Variants in TLN2 observed in about 807,000 individuals in gnomAD.
TLN2 encodes the protein talin 2.
In TLN2, 118 loss-of-function variants were observed where a neutral mutation model predicts 294.7. The ratio of observed to expected loss-of-function variants is 0.40; its 90% CI spans 0.34 to 0.47. The LOEUF is 0.47. Ranked by LOEUF, TLN2 falls within the 20% of genes least tolerant of loss-of-function variation. TLN2 has a pLI of 0.84. For missense variants in TLN2, 3,083 were observed against 3,282.2 expected (o/e 0.94, Z 1.48); for synonymous variants, 1,431 against 1,304.5 (o/e 1.10, Z -2.09).
At chr15:62,730,538 A>G (rs2060667934) in intron 28 of TLN2, among the ~76,000 whole-genome samples, 1 of 152,066 alleles carries the variant, frequency 6.6e-6, no homozygotes, top group South Asian at 2.1e-4. Context: ...CTTAGTATTA[A>G]TCTACTGGTG....
intron 39 of TLN2, chr15:62,763,362 T>A (rs1047288178): frequency 2.3e-5 from 12 of 524,502 alleles, no homozygotes; most frequent in Non-Finnish European, 3.8e-5. Flanking sequence ...CAGAAATAAG[T>A]AGAGTTATCT....
intron 1 of TLN2, among the ~76,000 whole-genome samples, chr15:62,503,740 A>G (rs973024805): frequency 6.6e-6 from 1 of 152,078 alleles, no homozygotes; most frequent in Non-Finnish European, 1.5e-5. Context: ...GTGAATTTTC[A>G]TCATCTTTAT....
chr15:62,683,594 C>A (rs2057040393), intron 11 of TLN2, among the ~76,000 whole-genome samples: 1 of 151,868 alleles, frequency 6.6e-6, no homozygotes. Context: ...CCTGCATTCT[C>A]CTGCCTCTGA....
intron 1 of TLN2, among the ~76,000 whole-genome samples, chr15:62,437,347 C>T (rs144066598): frequency 1.3e-5 from 2 of 152,096 alleles, no homozygotes; most frequent in Non-Finnish European, 2.9e-5. Context: ...TTGGTGGTGG[C>T]TGCTGAGAGA....
At position 62,675,217 on chromosome 15, in the gene TLN2, G is replaced by A. The variant is rs1357357243; in HGVS notation, c.853G>A (p.Glu285Lys). 7 of 1,614,116 alleles carry A rather than the reference G, an allele frequency of 4.3e-6. No individual in the cohort carries two copies. Among genetic ancestry groups the A allele is most frequent in the Non-Finnish European group, 2.5e-6 (3 of 1,179,974 alleles). Reference sequence around the variant, plus strand: ...GTCCCGACCACTGTCACTTTTGCAGGAGCATAAGAACTGCGGAGAGATGAG... The same window carrying A: ...GTCCCGACCACTGTCACTTTTGCAGAAGCATAAGAACTGCGGAGAGATGAG... ...QRGAEKRIFQ[E>K]HKNCGEMSEI... is the part of the protein sequence containing the mutation. The change falls in exon 11 of 59, where the codon GAG becomes AAG. Residue 285 changes from glutamate to lysine, a missense_variant and splice_region_variant. Glu to Lys is a moderately conservative substitution (Grantham distance 56, BLOSUM62 1). Transcript: ENST00000636159.
At chr15:62,490,159 A>G (rs897045170) in intron 1 of TLN2, among the ~76,000 whole-genome samples, 1 of 152,212 alleles carries the variant, frequency 6.6e-6, no homozygotes, top group Non-Finnish European at 1.5e-5. Context: ...GGATTTTACT[A>G]TTATAAGCAT....
At chr15:62,628,140 G>T (rs1325225205) in intron 3 of TLN2, among the ~76,000 whole-genome samples, 1 of 152,190 alleles carries the variant, frequency 6.6e-6, no homozygotes, top group Non-Finnish European at 1.5e-5. Flanking sequence ...GCTAATTGAT[G>T]GTTATTGCTC....
At chr15:62,485,690 A>G (rs1479851688) in intron 1 of TLN2, among the ~76,000 whole-genome samples, 3 of 152,134 alleles carry the variant, frequency 2.0e-5, no homozygotes, top group East Asian at 3.9e-4. Flanking sequence ...ACCTTTTCCT[A>G]TACTTCTTAG....
In TLN2 at chr15:62,827,763, C is replaced by G. The variant is rs1273773006; in HGVS notation, c.7003-5741C>G. ...AATTTAGCCCCAAACCTGAAAAAAA[C>G]AATTTTTGATAATGAAATTGCTAAT... On this transcript the variant is annotated intron_variant, in intron 54 of 58. Transcript: ENST00000636159. 2.0e-5 allele frequency: 3 copies of G among 152,274 alleles called. No homozygotes were observed. The South Asian group carries it at 6.2e-4, about 32-fold the overall frequency. The allele number at this position is 152,274 out of a possible 1,614,324, so 9.4% of individuals were successfully genotyped here.
chr15:62,603,553 A>G (rs2047174770), intron 2 of TLN2, among the ~76,000 whole-genome samples: 2 of 152,092 alleles, frequency 1.3e-5, no homozygotes, highest in African/African-American at 4.8e-5. Context: ...GGTAGTTTCC[A>G]TCTTTTACAA....
intron 51 of TLN2, among the ~76,000 whole-genome samples, chr15:62,807,481 G>C (rs991662301): frequency 2.0e-5 from 3 of 152,162 alleles, no homozygotes; most frequent in Non-Finnish European, 4.4e-5. Flanking sequence ...GCTACTCAGG[G>C]CCTCCCAGAT....
At chr15:62,764,434 A>G (rs995671338) in intron 40 of TLN2, among the ~76,000 whole-genome samples, 1 of 152,198 alleles carries the variant, frequency 6.6e-6, no homozygotes, top group Non-Finnish European at 1.5e-5. Context: ...CTTTTGGCCC[A>G]GAGTTAGTAT....
chr15:62,450,159 TAG>T (rs1387437293), intron 1 of TLN2, among the ~76,000 whole-genome samples: 2 of 152,148 alleles, frequency 1.3e-5, no homozygotes, highest in African/African-American at 4.8e-5. Context: ...TGTGTCTCAG[TAG>T]AGTCTTCACC....
intron 1 of TLN2, among the ~76,000 whole-genome samples, chr15:62,402,774 C>A (rs1566944728): frequency 6.6e-6 from 1 of 152,222 alleles, no homozygotes; most frequent in Non-Finnish European, 1.5e-5. Flanking sequence ...AAGCTACTTT[C>A]ATCATCTTCC....
At chr15:62,582,453 C>T (rs1177523415) in intron 1 of TLN2, among the ~76,000 whole-genome samples, 1 of 152,158 alleles carries the variant, frequency 6.6e-6, no homozygotes, top group African/African-American at 2.4e-5. Context: ...TGGCGAAATA[C>T]AGACATGTAA....
At position 62,442,486 on chromosome 15, in the gene TLN2, C is replaced by T. The variant is rs1236616605; in HGVS notation, c.-238+51801C>T. Among the ~76,000 whole-genome samples the T allele has an allele frequency of 4.4e-3, 354 of 80,358 alleles. 1 individual carries two copies. The highest frequency in any genetic ancestry group is 0.015 in the African/African-American group (344 of 22,278). The allele number at this position is 80,358 out of a possible 152,430, so 52.7% of individuals were successfully genotyped here. A position where few individuals can be genotyped will look rare whatever the true frequency, so the allele number is the denominator to read the frequency against. ...TCCAGCTGGGGCACAGAGTGAGACT[C>T]TGTCTCAGAAAAAAAAAAAAAAAAA... On this transcript the variant is annotated intron_variant, in intron 1 of 58. Coordinates refer to ENST00000636159, the MANE Select transcript of TLN2 (RefSeq NM_015059.3).
chr15:62,702,881 C>G lies in TLN2; in HGVS notation c.2004+17C>G, dbSNP rs773514929. ...CGATTCCAGGTAAGATATTTGCAGGCTTATAGTCATGGAAAGAAGTCTAAG... is the reference window on the plus strand; with the variant it reads ...CGATTCCAGGTAAGATATTTGCAGGGTTATAGTCATGGAAAGAAGTCTAAG... On this transcript the variant is annotated intron_variant, in intron 19 of 58. Transcript: ENST00000636159. 1 of 1,608,974 alleles carries G rather than the reference C, an allele frequency of 6.2e-7. No individual in the cohort carries two copies. The highest frequency in any genetic ancestry group is 8.5e-7 in the Non-Finnish European group (1 of 1,175,428).
chr15:62,652,623 C>G (rs1007757051), intron 6 of TLN2, among the ~76,000 whole-genome samples: 2 of 152,160 alleles, frequency 1.3e-5, no homozygotes, highest in African/African-American at 4.8e-5. Flanking sequence ...CAAAGGAAGC[C>G]TAGTTCCTTC....
rs10634187 is a variant in TLN2 at position 62,664,857 on chromosome 15, C to CAAAAAAAAAAAAAAAAAAAA, written c.788+6961_788+6980dup. Among the ~76,000 whole-genome samples, 6 of 29,234 alleles carry CAAAAAAAAAAAAAAAAAAAA rather than the reference C, an allele frequency of 2.1e-4. 1 individual carries two copies. Among genetic ancestry groups the CAAAAAAAAAAAAAAAAAAAA allele is most frequent in the African/African-American group, 6.5e-4 (5 of 7,748 alleles). The allele number at this position is 29,234 out of a possible 152,430, so 19.2% of individuals were successfully genotyped here. ...CTGGGCAACAAGAGGGAAACTGTCT[C>CAAAAAAAAAAAAAAAAAAAA]AAAAAAAAAAAAAAAAAAAAAGTGG... On this transcript the variant is annotated intron_variant, in intron 9 of 58. Transcript: ENST00000636159.
Sources: allele counts gnomAD v4.1 joint callset (sites outside exome capture counted in the v4.1 genomes callset), GRCh38; gene constraint gnomAD v4.1.1; transcripts MANE v1.5; gene names NCBI Gene and HGNC (gene_info 2026-07-23, HGNC 2026-07-21).